ERC1: variants seen among roughly 807,000 people sequenced by gnomAD.
ERC1 encodes ELKS/RAB6-interacting/CAST family member 1, also known as RAB6 interacting protein 2.
A neutral mutation model predicts 132.0 loss-of-function variants in ERC1; 56 were observed. That is an observed-to-expected ratio of 0.42 (90% CI 0.34 to 0.53). The LOEUF is 0.53. Among genes scored for constraint, ERC1 ranks in the 20% least tolerant of loss-of-function variants. The probability of loss-of-function intolerance (pLI) is 0.03; values close to 1 mark genes in which losing one functional copy is unlikely to be tolerated. For synonymous variants in ERC1, 478 were observed against 476.1 expected (o/e 1.00, Z -0.05); for missense variants, 1,202 against 1,349.9 (o/e 0.89, Z 1.72).
intron 12 of ERC1, among the ~76,000 whole-genome samples, chr12:1,217,728 T>C (rs1958558128): frequency 6.6e-6 from 1 of 152,226 alleles, no homozygotes; most frequent in Non-Finnish European, 1.5e-5. Flanking sequence ...TTTGTTTGTT[T>C]TGAACCTCGT....
chr12:1,425,499 C>G (rs2092606741), intron 17 of ERC1, among the ~76,000 whole-genome samples: 1 of 152,216 alleles, frequency 6.6e-6, no homozygotes, highest in Non-Finnish European at 1.5e-5. Flanking sequence ...ACCTGTGCAG[C>G]CTTTCCTCAT....
chr12:1,204,479 C>T (rs748711841), intron 12 of ERC1: 2 of 1,578,388 alleles, frequency 1.3e-6, no homozygotes, highest in Non-Finnish European at 8.6e-7. Flanking sequence ...CATTTTCTTC[C>T]TGGATTTCCT....
At chr12:1,165,665 A>G (rs192985514) in intron 8 of ERC1, among the ~76,000 whole-genome samples, 38 of 152,222 alleles carry the variant, frequency 2.5e-4, no homozygotes, top group African/African-American at 7.7e-4. Flanking sequence ...AGAAATAAAC[A>G]TGGCTAAACT....
At chr12:1,075,430 T>A (rs1332361156) in intron 2 of ERC1, among the ~76,000 whole-genome samples, 1 of 152,246 alleles carries the variant, frequency 6.6e-6, no homozygotes, top group Non-Finnish European at 1.5e-5. Flanking sequence ...TGGTGCCTCA[T>A]GCCTGTAATC....
chr12:1,286,515 C>A (rs893588622), intron 14 of ERC1, among the ~76,000 whole-genome samples: 1 of 151,920 alleles, frequency 6.6e-6, no homozygotes, highest in Non-Finnish European at 1.5e-5. Context: ...ATAAAGGATT[C>A]TTTTTAAAGA....
At chr12:1,334,870 G>A (rs1244560989) in intron 15 of ERC1, among the ~76,000 whole-genome samples, 1 of 152,162 alleles carries the variant, frequency 6.6e-6, no homozygotes, top group Non-Finnish European at 1.5e-5. Context: ...AGCATGGAAT[G>A]TTTTTCCATT....
intron 15 of ERC1, among the ~76,000 whole-genome samples, chr12:1,317,340 T>C (rs149423045): frequency 9.1e-4 from 138 of 151,946 alleles, no homozygotes; most frequent in African/African-American, 3.2e-3. Flanking sequence ...CACTCATAAG[T>C]GGGAGCTGAA....
chr12:1,176,767 A>G (rs1461623383), intron 8 of ERC1, among the ~76,000 whole-genome samples: 1 of 152,116 alleles, frequency 6.6e-6, no homozygotes, highest in East Asian at 1.9e-4. Context: ...CTTTGAAGCC[A>G]GACATTGACT....
intron 12 of ERC1, among the ~76,000 whole-genome samples, chr12:1,223,899 C>A (rs972149725): frequency 4.6e-5 from 7 of 152,106 alleles, no homozygotes; most frequent in Non-Finnish European, 1.0e-4. Flanking sequence ...ATTTACTAAA[C>A]CATTAAATCC....
At chr12:1,195,190 T>C (rs758324065) in intron 12 of ERC1, among the ~76,000 whole-genome samples, 14 of 152,236 alleles carry the variant, frequency 9.2e-5, no homozygotes, top group Non-Finnish European at 1.3e-4. Context: ...TATACACTTA[T>C]GTGACTACCA....
At chr12:992,664 C>T (rs1249659014) in intron 1 of ERC1, among the ~76,000 whole-genome samples, 1 of 152,170 alleles carries the variant, frequency 6.6e-6, no homozygotes, top group Admixed American at 6.5e-5. Context: ...CAATGTTCTT[C>T]ACATCACTCT....
chr12:1,396,152 T>C (rs890561315), intron 16 of ERC1, among the ~76,000 whole-genome samples: 2 of 152,358 alleles, frequency 1.3e-5, no homozygotes, highest in East Asian at 3.9e-4. Context: ...CTAGTTGAGA[T>C]GTCTATTTTC....
Position 1,057,516 on chromosome 12 carries a change from CTT to C in ERC1, c.670-25645_670-25644del, listed in dbSNP as rs571264017. On this transcript the variant is annotated intron_variant, in intron 2 of 18. Coordinates refer to ENST00000360905, the MANE Select transcript of ERC1 (RefSeq NM_178040.4). ...GGCCTGCAGTAAGCATTAATTATGA[CTT>C]TTATTGTACTTTTTTTTTAAAAAGG... Among the ~76,000 whole-genome samples, 26 of 147,590 alleles carry C rather than the reference CTT, an allele frequency of 1.8e-4. 1 individual carries two copies. The highest frequency in any genetic ancestry group is 3.1e-4 in the Non-Finnish European group (21 of 67,514).
chr12:1,034,829 A>G (rs530819539), intron 2 of ERC1, among the ~76,000 whole-genome samples: 13 of 152,236 alleles, frequency 8.5e-5, no homozygotes, highest in Admixed American at 2.0e-4. Context: ...ATCAGTCTGC[A>G]TTCAAAGACA....
chr12:1,027,696 G>A, intron 1 of ERC1, 52 bp from the exon 2 acceptor site: 1 of 551,502 alleles, frequency 1.8e-6, no homozygotes, highest in South Asian at 2.7e-5. Context: ...AAGTCTCTGA[G>A]AAGGGAAATA....
intron 13 of ERC1, among the ~76,000 whole-genome samples, chr12:1,238,386 T>G (rs924127832): frequency 6.6e-6 from 1 of 152,200 alleles, no homozygotes; most frequent in Non-Finnish European, 1.5e-5. Context: ...CATAAATACT[T>G]TTAAGTTGTT....
At chr12:1,121,677 A>ATCTCTATCTATCTCTATCTCTATC (rs56044523) in intron 7 of ERC1, among the ~76,000 whole-genome samples, 4 of 8,166 alleles carry the variant, frequency 4.9e-4, no homozygotes, top group Admixed American at 1.5e-3. Flanking sequence ...CTCTATCTCT[A>ATCTCTATCTATCTCTATCTCTATC]TCTATCTCTA....
At chr12:1,199,851 C>T (rs2154282681) in intron 12 of ERC1, among the ~76,000 whole-genome samples, 1 of 151,692 alleles carries the variant, frequency 6.6e-6, no homozygotes, top group Middle Eastern at 3.4e-3. Flanking sequence ...ATACTAAGAA[C>T]ACCCTTGATT....
At chr12:1,276,940 T>C (rs2078316817) in intron 14 of ERC1, among the ~76,000 whole-genome samples, 2 of 152,246 alleles carry the variant, frequency 1.3e-5, no homozygotes, top group South Asian at 4.1e-4. Flanking sequence ...TTTGATAAAC[T>C]ACTTTTTCAT....
Sources: gnomAD v4.1 joint callset for allele counts (sites outside exome capture counted in the v4.1 genomes callset) on GRCh38, gnomAD v4.1.1 for gene constraint, MANE v1.5 for transcripts, NCBI Gene and HGNC (gene_info 2026-07-23, HGNC 2026-07-21) for gene names.